Variants in CADM1 observed in about 807,000 individuals in gnomAD.
CADM1 encodes cell adhesion molecule 1.
In CADM1, 15 loss-of-function variants were observed where a neutral mutation model predicts 53.1. That is an observed-to-expected ratio of 0.28 (90% CI 0.19 to 0.44). The LOEUF (loss-of-function observed/expected upper bound fraction) is 0.44. Among genes scored for constraint, CADM1 ranks in the 20% least tolerant of loss-of-function variants. CADM1 has a pLI of 1.00. For missense variants in CADM1, 434 were observed against 611.3 expected (o/e 0.71, Z 3.06); for synonymous variants, 281 against 243.0 (o/e 1.16, Z -1.45).
At chr11:115,428,709 G>A (rs10891854) in intron 1 of CADM1, among the ~76,000 whole-genome samples, 67,074 of 151,830 alleles carry the variant, frequency 0.44, 15,466 homozygotes, top group Admixed American at 0.59. Flanking sequence ...ACAGAATGTA[G>A]AGATATCATT....
intron 1 of CADM1, among the ~76,000 whole-genome samples, chr11:115,463,821 A>C (rs1428784547): frequency 7.3e-6 from 1 of 137,010 alleles, no homozygotes; most frequent in Admixed American, 7.6e-5. Flanking sequence ...GTTATCTTTC[A>C]ATCTACACCT....
chr11:115,175,218 T>C lies in CADM1; in HGVS notation c.*1256A>G, dbSNP rs1221349321. On this transcript the variant is annotated 3_prime_UTR_variant, in exon 12 of 12. Coordinates refer to ENST00000331581, the MANE Select transcript of CADM1 (RefSeq NM_001301043.2). ...CGACAGCAGACCAGTGTGAGAACAA[T>C]ACCAGCCCTTCTTTTGTACCTCCTG... The C allele has an allele frequency of 1.0e-6, 1 of 985,688 alleles. No individual in the cohort carries two copies. The highest frequency in any genetic ancestry group is 1.2e-6 in the Non-Finnish European group (1 of 829,926). The allele number at this position is 985,688 out of a possible 1,614,324, so 61.1% of individuals were successfully genotyped here.
intron 1 of CADM1, among the ~76,000 whole-genome samples, chr11:115,320,010 G>A (rs1334791514): frequency 2.0e-5 from 3 of 152,122 alleles, no homozygotes; most frequent in Non-Finnish European, 4.4e-5. Context: ...TATATGCTGA[G>A]TAAACGGGAA....
chr11:115,218,301 T>C (rs944192878), intron 5 of CADM1, among the ~76,000 whole-genome samples: 1 of 152,216 alleles, frequency 6.6e-6, no homozygotes, highest in African/African-American at 2.4e-5. Flanking sequence ...AGGAAACTCA[T>C]TTGCCTTCAT....
rs142500026 is a variant in CADM1 at position 115,484,614 on chromosome 11, T to C, written c.124+19657A>G. On this transcript the variant is annotated intron_variant, in intron 1 of 11. Transcript: ENST00000331581. ...TCCCTATACCATGGTAAAGACACAA[T>C]TTGGCGTACTGGTATGCTACAGTGA... 1.4e-4 allele frequency among the ~76,000 whole-genome samples: 21 copies of C among 152,228 alleles called. No individual in the cohort carries two copies. In the East Asian group the frequency reaches 2.7e-3, roughly 20 times the overall value.
At chr11:115,445,705 G>C (rs948322258) in intron 1 of CADM1, 1 of 431,786 alleles carries the variant, frequency 2.3e-6, no homozygotes, top group East Asian at 8.1e-5. Flanking sequence ...TTAGCTGGGC[G>C]TGGTAGTGTG....
intron 1 of CADM1, among the ~76,000 whole-genome samples, chr11:115,422,597 G>A (rs955479915): frequency 8.5e-5 from 13 of 152,146 alleles, no homozygotes; most frequent in African/African-American, 2.4e-4. Context: ...ACATCTATTT[G>A]TTATCTCATC....
intron 1 of CADM1, among the ~76,000 whole-genome samples, chr11:115,373,444 G>C (rs1261633478): frequency 6.6e-6 from 1 of 151,856 alleles, no homozygotes; most frequent in Admixed American, 6.6e-5. Flanking sequence ...AAGTAGCAGG[G>C]TGTGGTGGTG....
intron 1 of CADM1, among the ~76,000 whole-genome samples, chr11:115,312,537 C>T (rs758456619): frequency 1.3e-5 from 2 of 151,910 alleles, no homozygotes; most frequent in Non-Finnish European, 2.9e-5. Flanking sequence ...TACTTCATGC[C>T]GTATCAATAT....
At chr11:115,284,114 C>CTGTGTG (rs751286330) in intron 1 of CADM1, among the ~76,000 whole-genome samples, 18 of 98,688 alleles carry the variant, frequency 1.8e-4, no homozygotes, top group Non-Finnish European at 2.5e-4. Flanking sequence ...CTCTCTCTCT[C>CTGTGTG]TGTGTGTGTG....
intron 1 of CADM1, among the ~76,000 whole-genome samples, chr11:115,433,015 C>T (rs1381991802): frequency 1.3e-5 from 2 of 152,208 alleles, no homozygotes; most frequent in Admixed American, 1.3e-4. Context: ...TGGTTACCAA[C>T]ATCCAACTTG....
chr11:115,474,952 A>C (rs1949098899), intron 1 of CADM1, among the ~76,000 whole-genome samples: 1 of 152,218 alleles, frequency 6.6e-6, no homozygotes, highest in African/African-American at 2.4e-5. Context: ...GATTTAGAGA[A>C]ACTGGAATCC....
intron 1 of CADM1, among the ~76,000 whole-genome samples, chr11:115,251,313 A>C (rs7123503): frequency 0.019 from 2,918 of 152,292 alleles, 87 homozygotes; most frequent in African/African-American, 0.066. Context: ...TCCTGCCAAC[A>C]AGAGTCATTG....
At chr11:115,324,018 G>C (rs971065417) in intron 1 of CADM1, among the ~76,000 whole-genome samples, 3 of 87,516 alleles carry the variant, frequency 3.4e-5, no homozygotes, top group South Asian at 5.1e-4. Flanking sequence ...GAGAGGATCT[G>C]GGTTAAAGAT....
intron 1 of CADM1, among the ~76,000 whole-genome samples, chr11:115,460,773 T>C (rs1322126667): frequency 6.7e-6 from 1 of 148,678 alleles, no homozygotes; most frequent in Non-Finnish European, 1.5e-5. Flanking sequence ...GCCTATGCAC[T>C]AGAAAGAAAG....
In CADM1 at chr11:115,504,384, A is replaced by T. The variant is rs752658601; in HGVS notation, c.11T>A (p.Val4Glu). 1.1e-5 allele frequency: 17 copies of T among 1,546,696 alleles called. No individual in the cohort carries two copies. The African/African-American group carries it at 2.3e-4, about 21-fold the overall frequency. MASVVLPSGSQCAA... is the reference protein window; with the variant it reads MASEVLPSGSQCAA... ...ACACTGGGATCCGCTCGGCAGCACT[A>T]CACTCGCCATGTCGGGCACCTGCCT... The change falls in exon 1 of 12, where the codon GTA (valine) becomes GAA (glutamate). Residue 4 changes from valine (V) to glutamate (E), a missense_variant. By Grantham distance (121) the Val-to-Glu change is moderately radical. Around this residue, in one of 4 missense-constraint regions of CADM1, gnomAD observed 76 missense variants for 59.8 expected, o/e 1.27. Transcript: ENST00000331581.
At chr11:115,392,903 A>G (rs556827590) in intron 1 of CADM1, among the ~76,000 whole-genome samples, 1 of 152,154 alleles carries the variant, frequency 6.6e-6, no homozygotes, top group South Asian at 2.1e-4. Flanking sequence ...AGCCAGGCAC[A>G]GTAGTTGTGC....
chr11:115,216,717 G>T (rs1325801125), intron 6 of CADM1, among the ~76,000 whole-genome samples: 2 of 152,170 alleles, frequency 1.3e-5, no homozygotes, highest in East Asian at 3.9e-4. Flanking sequence ...TTAGCACAGA[G>T]GGAAGGAAAT....
chr11:115,488,802 A>G (rs1186492288), intron 1 of CADM1, among the ~76,000 whole-genome samples: 2 of 152,236 alleles, frequency 1.3e-5, no homozygotes, highest in Non-Finnish European at 1.5e-5. Flanking sequence ...GCCACAAAAC[A>G]GACTGCCTTA....
Sources: gnomAD v4.1 joint callset for allele counts (sites outside exome capture counted in the v4.1 genomes callset) on GRCh38, gnomAD v4.1.1 for gene constraint, gnomAD v4.1.1 regional missense constraint, MANE v1.5 for transcripts, NCBI Gene and HGNC (gene_info 2026-07-23, HGNC 2026-07-21) for gene names.